The following NAALADL2 variants were observed in gnomAD, a reference collection of about 807,000 sequenced individuals.
NAALADL2 encodes the protein N-acetylated alpha-linked acidic dipeptidase like 2.
Under a neutral mutation model 87.2 loss-of-function variants are expected in NAALADL2, and 76 were observed. The ratio of observed to expected loss-of-function variants is 0.87; its 90% CI spans 0.72 to 1.05. The LOEUF is 1.05. Among genes scored for constraint, NAALADL2 ranks in the 50% least tolerant of loss-of-function variants. The pLI is 0.00. For synonymous variants in NAALADL2, 354 were observed against 331.0 expected, an observed-to-expected ratio of 1.07 and a Z score of -0.75; for missense variants, 1,089 against 945.8, an observed-to-expected ratio of 1.15 and a Z score of -1.99.
At chr3:175,079,725 A>C (rs1427377524) in intron 1 of NAALADL2, among the ~76,000 whole-genome samples, 1 of 152,204 alleles carries the variant, frequency 6.6e-6, no homozygotes, top group Admixed American at 6.5e-5. Flanking sequence ...AATAAAAGGA[A>C]TATGCAAGCT....
intron 9 of NAALADL2, among the ~76,000 whole-genome samples, chr3:175,567,801 C>T (rs1338087455): frequency 2.0e-5 from 3 of 151,440 alleles, no homozygotes; most frequent in Non-Finnish European, 2.9e-5. Context: ...CTGCAAGCTC[C>T]GCCTCCTGCA....
At chr3:175,544,310 T>G (rs1428627961) in intron 9 of NAALADL2, among the ~76,000 whole-genome samples, 1 of 152,170 alleles carries the variant, frequency 6.6e-6, no homozygotes, top group Admixed American at 6.5e-5. Flanking sequence ...TGCAGGAAAT[T>G]TCTGATTCAA....
At chr3:174,756,372 C>G (rs1334439822) in intron 3 of NAALADL2, among the ~76,000 whole-genome samples, 2 of 152,136 alleles carry the variant, frequency 1.3e-5, no homozygotes, top group East Asian at 3.9e-4. Flanking sequence ...TGGACTTCTC[C>G]TATATATTCT....
chr3:174,451,016 A>G (rs1235674426), intron 1 of NAALADL2, among the ~76,000 whole-genome samples: 3 of 152,292 alleles, frequency 2.0e-5, no homozygotes, highest in African/African-American at 7.2e-5. Flanking sequence ...AATTTTACTT[A>G]GAATGAGAAA....
intron 2 of NAALADL2, among the ~76,000 whole-genome samples, chr3:175,190,717 C>A (rs1738025470): frequency 6.6e-6 from 1 of 152,138 alleles, no homozygotes; most frequent in South Asian, 2.1e-4. Flanking sequence ...TGGCTCACGC[C>A]TGTAATCCCA....
At chr3:174,903,116 T>G (rs1289512173) in intron 1 of NAALADL2, among the ~76,000 whole-genome samples, 1 of 152,074 alleles carries the variant, frequency 6.6e-6, no homozygotes, top group African/African-American at 2.4e-5. Flanking sequence ...TTTAATAGAA[T>G]GTAAAAGCAA....
chr3:175,459,720 TGGA>T (rs1200895145), intron 6 of NAALADL2, among the ~76,000 whole-genome samples: 3 of 152,134 alleles, frequency 2.0e-5, no homozygotes, highest in African/African-American at 4.8e-5. Context: ...CCTGGGGATT[TGGA>T]GGAGGAGACA....
At chr3:174,983,045 G>C (rs1257326547) in intron 1 of NAALADL2, among the ~76,000 whole-genome samples, 2 of 152,146 alleles carry the variant, frequency 1.3e-5, no homozygotes, top group Non-Finnish European at 2.9e-5. Flanking sequence ...TGATCCGCCT[G>C]CCTCGGCCTC....
chr3:175,122,963 G>T (rs953661231), intron 2 of NAALADL2, among the ~76,000 whole-genome samples: 1 of 151,862 alleles, frequency 6.6e-6, no homozygotes, highest in East Asian at 1.9e-4. Flanking sequence ...AAGGCAAAAA[G>T]GGAGCCAAAC....
chr3:175,602,103 A>T (rs563023878), intron 10 of NAALADL2, among the ~76,000 whole-genome samples: 13 of 152,000 alleles, frequency 8.6e-5, no homozygotes, highest in African/African-American at 3.1e-4. Flanking sequence ...AGCATTAATG[A>T]CCTATAAGCA....
intron 3 of NAALADL2, among the ~76,000 whole-genome samples, chr3:174,811,918 A>G (rs906415769): frequency 6.6e-6 from 1 of 152,060 alleles, no homozygotes; most frequent in Non-Finnish European, 1.5e-5. Flanking sequence ...TGTTCTTGTG[A>G]TAGAGTTCTT....
In NAALADL2 at chr3:174,450,020, T is replaced by TACATACAC. The variant is rs916372185; in HGVS notation, c.-184+8991_-184+8992insTACACACA. On this transcript the variant is annotated intron_variant, in intron 1 of 3. Transcript: ENST00000434257. Reference sequence around the variant, plus strand: ...CACATATATATACACAACACATACATACACACACACACACACACACACACA... The same window carrying TACATACAC: ...CACATATATATACACAACACATACATACATACACACACACACACACACACACACACACA... Among the ~76,000 whole-genome samples the TACATACAC allele has an allele frequency of 1.7e-3, 259 of 148,888 alleles. 1 individual carries two copies. The highest frequency in any genetic ancestry group is 6.2e-3 in the African/African-American group (253 of 40,684).
intron 10 of NAALADL2, among the ~76,000 whole-genome samples, chr3:175,577,148 T>C (rs1334828663): frequency 6.6e-6 from 1 of 152,286 alleles, no homozygotes; most frequent in African/African-American, 2.4e-5. Flanking sequence ...TAGTATAGCC[T>C]TGGGAATGAG....
chr3:175,271,042 T>G (rs1468735939), intron 4 of NAALADL2: 1 of 152,194 alleles, frequency 6.6e-6, no homozygotes, highest in East Asian at 1.9e-4. Context: ...TGAATAGGCA[T>G]GCACATTTAC....
At chr3:175,195,888 T>C (rs1380313957) in intron 2 of NAALADL2, among the ~76,000 whole-genome samples, 1 of 151,938 alleles carries the variant, frequency 6.6e-6, no homozygotes, top group Non-Finnish European at 1.5e-5. Flanking sequence ...TTGACAGTTC[T>C]TTCCACTAAG....
chr3:175,769,710 A>G (rs1418352295), intron 13 of NAALADL2, among the ~76,000 whole-genome samples: 2 of 145,222 alleles, frequency 1.4e-5, no homozygotes, highest in African/African-American at 5.5e-5. Context: ...AGGAGATGGC[A>G]TGTATATGTG....
intron 2 of NAALADL2, among the ~76,000 whole-genome samples, chr3:174,609,342 C>T (rs552239549): frequency 6.6e-6 from 1 of 151,928 alleles, no homozygotes; most frequent in African/African-American, 2.4e-5. Context: ...GGAAATAAAG[C>T]GTATCCAATT....
chr3:175,729,794 C>T (rs1743424412), intron 11 of NAALADL2, among the ~76,000 whole-genome samples: 1 of 144,256 alleles, frequency 6.9e-6, no homozygotes, highest in Non-Finnish European at 1.5e-5. Flanking sequence ...TCACATGCCA[C>T]AGTGACATCC....
At chr3:175,157,783 C>T (rs868859862) in intron 2 of NAALADL2, among the ~76,000 whole-genome samples, 2 of 152,012 alleles carry the variant, frequency 1.3e-5, no homozygotes, top group Admixed American at 6.6e-5. Context: ...TCTATCCTTT[C>T]AGACAGATGT....
Sources: gnomAD v4.1 joint callset for allele counts (sites outside exome capture counted in the v4.1 genomes callset) on GRCh38, gnomAD v4.1.1 for gene constraint, MANE v1.5 for transcripts, NCBI Gene and HGNC (gene_info 2026-07-23, HGNC 2026-07-21) for gene names.